IGSF5: variants seen among roughly 807,000 people sequenced by gnomAD.
IGSF5 encodes immunoglobulin superfamily member 5, also known as immunoglobulin superfamily 5 like.
In IGSF5, 41 loss-of-function variants were observed where a neutral mutation model predicts 39.4. That is an observed-to-expected ratio of 1.04 (90% CI 0.81 to 1.35). The LOEUF is 1.35. Ranked by LOEUF, IGSF5 falls within the 40% of genes most tolerant of loss-of-function variation. The pLI is 0.00. For synonymous variants in IGSF5, 183 were observed against 175.3 expected, an observed-to-expected ratio of 1.04 and a Z score of -0.34; for missense variants, 487 against 494.6, an observed-to-expected ratio of 0.98 and a Z score of 0.15.
chr21:39,732,294 C>T, the IGSF5 span, among the ~76,000 whole-genome samples: 1 of 152,204 alleles, frequency 6.6e-6, no homozygotes, highest in Non-Finnish European at 1.5e-5. Flanking sequence ...TTTTCTGCTG[C>T]TCATCCTCAT....
intron 5 of IGSF5, among the ~76,000 whole-genome samples, chr21:39,782,119 C>T (rs932636568): frequency 6.6e-6 from 1 of 152,176 alleles, no homozygotes; most frequent in Non-Finnish European, 1.5e-5. Context: ...GAGATGCCAC[C>T]TTTATCAAAC....
rs768021550 is a variant in IGSF5 at position 39,779,236 on chromosome 21, T to TGCC, written c.867_868insCGC (p.Cys289_Cys290insArg). The TGCC allele has an allele frequency of 6.6e-5, 107 of 1,613,810 alleles. No homozygotes were observed. The highest frequency in any genetic ancestry group is 7.7e-5 in the Non-Finnish European group (91 of 1,179,908). On this transcript the variant is annotated inframe_insertion, in exon 5 of 9. Transcript: ENST00000380588. ...GTGTACTCTTACAATACGCTGCTGC[T>TGCC]GCTGCCGCCGTCGTTGTTGTGGCTG...
the IGSF5 span, among the ~76,000 whole-genome samples, chr21:39,737,457 C>A: frequency 1.3e-5 from 2 of 152,300 alleles, no homozygotes; most frequent in East Asian, 1.9e-4. Flanking sequence ...TACTTTCCCA[C>A]CGATCTGCAT....
chr21:39,784,873 A>G (rs962480963), intron 5 of IGSF5, among the ~76,000 whole-genome samples: 1 of 152,048 alleles, frequency 6.6e-6, no homozygotes, highest in African/African-American at 2.4e-5. Flanking sequence ...CAGTAAGCCG[A>G]CGGATTAACT....
At chr21:39,776,551 G>A (rs1035925357) in intron 4 of IGSF5, among the ~76,000 whole-genome samples, 4 of 152,158 alleles carry the variant, frequency 2.6e-5, no homozygotes, top group African/African-American at 9.7e-5. Context: ...AGTGTTTAAA[G>A]TCCCTCTGGC....
At chr21:39,741,394 G>A (rs1036571550), upstream of IGSF5, among the ~76,000 whole-genome samples, 13 of 152,308 alleles carry the variant, frequency 8.5e-5, no homozygotes, top group South Asian at 6.2e-4. Flanking sequence ...GGCTGGATAC[G>A]TTCCTCACTG....
intron 5 of IGSF5, among the ~76,000 whole-genome samples, chr21:39,783,955 G>A (rs907321164): frequency 6.6e-6 from 1 of 152,072 alleles, no homozygotes; most frequent in Non-Finnish European, 1.5e-5. Flanking sequence ...TTTTGTATAT[G>A]GATATCCAGT....
At chr21:39,752,997 T>C (rs1434357734) in intron 2 of IGSF5, among the ~76,000 whole-genome samples, 1 of 152,226 alleles carries the variant, frequency 6.6e-6, no homozygotes, top group Non-Finnish European at 1.5e-5. Context: ...AGAAGCTTTT[T>C]AGTTTAACTA....
the IGSF5 span, among the ~76,000 whole-genome samples, chr21:39,731,514 TG>T: frequency 6.6e-4 from 101 of 152,324 alleles, no homozygotes; most frequent in African/African-American, 2.2e-3. Context: ...TCTAATCACA[TG>T]GACTTTTTAA....
chr21:39,771,214 A>G lies in IGSF5; in HGVS notation c.717A>G (p.Gln239=), dbSNP rs962157543. 7.1e-6 allele frequency: 11 copies of G among 1,554,124 alleles called. No individual in the cohort carries two copies. Among genetic ancestry groups the G allele is most frequent in the Admixed American group, 1.9e-5 (1 of 52,800 alleles). The change falls in exon 4 of 9, where the codon CAA becomes CAG. Residue 239 remains glutamine, a splice_region_variant and synonymous_variant. Coordinates refer to ENST00000380588, the MANE Select transcript of IGSF5 (RefSeq NM_001080444.2). ...TVNLTVIRCP[Q]DTGGGINIPG... is the part of the protein sequence containing the mutation. ...ATCTCACTGTGATTCGGTGTCCCCA[A>G]GGTAAGTGAAGACATTCTGCTTTAT... is the stretch of plus-strand genomic sequence containing the variant.
the IGSF5 span, among the ~76,000 whole-genome samples, chr21:39,713,799 A>G: frequency 4.5e-4 from 68 of 152,360 alleles, no homozygotes; most frequent in African/African-American, 1.6e-3. Context: ...GGAATGTCCC[A>G]GCAAGCCCCA....
chr21:39,728,663 C>A, the IGSF5 span, among the ~76,000 whole-genome samples: 16 of 152,282 alleles, frequency 1.1e-4, no homozygotes, highest in East Asian at 2.5e-3. Context: ...ATCCATTTTT[C>A]CAGAGTTTTC....
At chr21:39,734,174 C>T in the IGSF5 span, among the ~76,000 whole-genome samples, 3 of 152,124 alleles carry the variant, frequency 2.0e-5, no homozygotes, top group Admixed American at 2.0e-4. Flanking sequence ...CCTGTAATCC[C>T]AGCACTGTGG....
chr21:39,773,493 C>G (rs1408460108), intron 4 of IGSF5, among the ~76,000 whole-genome samples: 1 of 29,408 alleles, frequency 3.4e-5, no homozygotes, highest in African/African-American at 1.1e-4. Context: ...TTTTTCCTCA[C>G]AGTTTTAGTA....
In IGSF5 at chr21:39,795,895, T is replaced by A. The variant is rs117680738; in HGVS notation, c.1128+2282T>A. On this transcript the variant is annotated intron_variant, in intron 8 of 8. Coordinates refer to ENST00000380588, the MANE Select transcript of IGSF5 (RefSeq NM_001080444.2). The stretch of plus-strand genomic sequence containing the variant: ...ATCAGGACTCTAGGAAGTTGAATTA[T>A]CTTTGTCTGGGCTAGAAACTAATGA... Among the ~76,000 whole-genome samples the A allele has an allele frequency of 3.8e-3, 579 of 152,214 alleles. 1 individual carries two copies. Among genetic ancestry groups the A allele is most frequent in the Non-Finnish European group, 6.2e-3 (420 of 68,016 alleles).
At chr21:39,712,517 G>T in the IGSF5 span, among the ~76,000 whole-genome samples, 1 of 152,060 alleles carries the variant, frequency 6.6e-6, no homozygotes, top group African/African-American at 2.4e-5. Flanking sequence ...CTGAGTGATT[G>T]TGCCATACTG....
intron 4 of IGSF5, among the ~76,000 whole-genome samples, chr21:39,776,105 CTA>C (rs1157764261): frequency 6.6e-6 from 1 of 151,934 alleles, no homozygotes; most frequent in East Asian, 1.9e-4. Context: ...TAATATATGG[CTA>C]TGATCTATTT....
the IGSF5 span, among the ~76,000 whole-genome samples, chr21:39,717,294 T>C: frequency 1.3e-5 from 2 of 152,210 alleles, no homozygotes; most frequent in Non-Finnish European, 2.9e-5. Flanking sequence ...TTGCAGGCTG[T>C]ATGTTTACTC....
intron 8 of IGSF5, among the ~76,000 whole-genome samples, chr21:39,798,860 C>T (rs939183813): frequency 2.0e-5 from 3 of 151,982 alleles, no homozygotes; most frequent in Non-Finnish European, 2.9e-5. Context: ...TTTTTCAAAC[C>T]GTTAGTTATC....
Sources: allele counts gnomAD v4.1 joint callset (sites outside exome capture counted in the v4.1 genomes callset), GRCh38; gene constraint gnomAD v4.1.1; transcripts MANE v1.5; gene names NCBI Gene and HGNC (gene_info 2026-07-23, HGNC 2026-07-21).